Variants in OTUB2 observed in about 807,000 individuals in gnomAD.
OTUB2 encodes OTU deubiquitinase, ubiquitin aldehyde binding 2, also known as ubiquitin thioesterase OTUB2.
In OTUB2, 21 loss-of-function variants were observed where a neutral mutation model predicts 25.1. The ratio of observed to expected loss-of-function variants is 0.84; its 90% confidence interval spans 0.59 to 1.21. The LOEUF is 1.21. Among genes scored for constraint, OTUB2 ranks in the 50% most tolerant of loss-of-function variants. The pLI is 0.00. For synonymous variants in OTUB2, 122 were observed against 122.8 expected, an observed-to-expected ratio of 0.99 and a Z score of 0.04; for missense variants, 283 against 298.0, an observed-to-expected ratio of 0.95 and a Z score of 0.37.
Position 94,040,073 on chromosome 14 carries a change from A to G in OTUB2, c.218+992A>G, listed in dbSNP as rs369680233. On this transcript the variant is annotated intron_variant, in intron 3 of 5. Coordinates refer to ENST00000203664, the MANE Select transcript of OTUB2 (RefSeq NM_023112.4). ...GTAACCCCCTCCCCAAGTCATGACAATCAAAACTGCCTGCAGACACTGCCA... is the reference window on the plus strand; with the variant it reads ...GTAACCCCCTCCCCAAGTCATGACAGTCAAAACTGCCTGCAGACACTGCCA... Among the ~76,000 whole-genome samples the G allele has an allele frequency of 1.4e-4, 22 of 152,226 alleles. No homozygotes were observed. In the East Asian group the frequency reaches 1.5e-3, roughly 11 times the overall value.
chr14:94,039,196 A>G, intron 3 of OTUB2, 115 bp downstream of exon 3: 1 of 835,378 alleles, frequency 1.2e-6, no homozygotes. Flanking sequence ...AATGAGCTGA[A>G]GAGCTGCCTG....
chr14:94,026,529 C>G lies in OTUB2; in HGVS notation c.-9C>G. On this transcript the variant is annotated 5_prime_UTR_variant, in exon 1 of 6. Coordinates refer to ENST00000203664, the MANE Select transcript of OTUB2 (RefSeq NM_023112.4). ...TGGGGCGGGACCTGGCCTGGCGGCTCTGGTCACTATGGTCAGTGATCGTGG... is the reference window on the plus strand; with the variant it reads ...TGGGGCGGGACCTGGCCTGGCGGCTGTGGTCACTATGGTCAGTGATCGTGG... 2.4e-6 allele frequency: 3 copies of G among 1,263,638 alleles called. No individual in the cohort carries two copies. Among genetic ancestry groups the G allele is most frequent in the South Asian group, 2.8e-5 (1 of 35,298 alleles). The allele number at this position is 1,263,638 out of a possible 1,614,324, so 78.3% of individuals were successfully genotyped here. A position where few individuals can be genotyped will look rare whatever the true frequency, so the allele number is the denominator to read the frequency against.
At chr14:94,045,061 T>C (rs1271950039) in intron 5 of OTUB2, among the ~76,000 whole-genome samples, 1 of 152,232 alleles carries the variant, frequency 6.6e-6, no homozygotes, top group Non-Finnish European at 1.5e-5. Context: ...AGAGTCACAT[T>C]TGCTTGACGT....
rs1885271762 is a variant in OTUB2, at chr14:94,046,152, C to T, written c.*230C>T. On this transcript the variant is annotated 3_prime_UTR_variant, in exon 6 of 6. Coordinates refer to ENST00000203664, the MANE Select transcript of OTUB2 (RefSeq NM_023112.4). Reference sequence around the variant, plus strand: ...AAATGCTTTCTAACTGGGCCCCCGACTCCGCACCCCAGTTCGCAGTGAGGC... The same window carrying T: ...AAATGCTTTCTAACTGGGCCCCCGATTCCGCACCCCAGTTCGCAGTGAGGC... The T allele has an allele frequency of 6.6e-6, 4 of 607,942 alleles. No individual in the cohort carries two copies. The East Asian group carries it at 1.1e-4, about 17-fold the overall frequency. The allele number at this position is 607,942 out of a possible 1,614,324, so 37.7% of individuals were successfully genotyped here.
chr14:94,031,342 C>G (rs1884957395), intron 1 of OTUB2, among the ~76,000 whole-genome samples: 1 of 152,184 alleles, frequency 6.6e-6, no homozygotes, highest in Admixed American at 6.5e-5. Flanking sequence ...TTCCTTCCAG[C>G]CCCTGGAGCA....
In OTUB2 at chr14:94,039,229, G is replaced by A. The variant is rs1156281513; in HGVS notation, c.218+148G>A. On this transcript the variant is annotated intron_variant, in intron 3 of 5. Coordinates refer to ENST00000203664, the MANE Select transcript of OTUB2 (RefSeq NM_023112.4). ...CTGGCAGAGGCGTTTGATGTTGGGG[G>A]TGCCCAGCTGCCTGCTGTGGTGAAG... 3 of 651,388 alleles carry A rather than the reference G, an allele frequency of 4.6e-6. No individual in the cohort carries two copies. In the African/African-American group the frequency reaches 5.5e-5, roughly 12 times the overall value. 40.4% of individuals were successfully genotyped at this position (651,388 alleles called of 1,614,324 possible).
intron 1 of OTUB2, among the ~76,000 whole-genome samples, chr14:94,031,513 G>A (rs1053474550): frequency 6.6e-6 from 1 of 152,100 alleles, no homozygotes; most frequent in Non-Finnish European, 1.5e-5. Flanking sequence ...ATGGATTAGG[G>A]ATGGGGTATC....
intron 4 of OTUB2, among the ~76,000 whole-genome samples, chr14:94,044,278 A>C (rs1484047358): frequency 8.5e-5 from 13 of 152,122 alleles, no homozygotes; most frequent in Admixed American, 8.5e-4. Flanking sequence ...AAGGGGCGGG[A>C]TCGAGGACTC....
rs547024609 is a variant in OTUB2, at chr14:94,028,595, T to A, written c.3+2055T>A. On this transcript the variant is annotated intron_variant, in intron 1 of 5. Transcript: ENST00000203664. ...AGACATAAGCAGGAAAACCGCAGGGTCCTATTGTGCTTTGTTCTGTTATTT... is the reference window on the plus strand; with the variant it reads ...AGACATAAGCAGGAAAACCGCAGGGACCTATTGTGCTTTGTTCTGTTATTT... Among the ~76,000 whole-genome samples the A allele has an allele frequency of 3.9e-5, 6 of 152,316 alleles. No homozygotes were observed. The South Asian group carries it at 1.0e-3, about 26-fold the overall frequency.
chr14:94,042,528 G>GT (rs1885183633), intron 3 of OTUB2, among the ~76,000 whole-genome samples: 1 of 152,208 alleles, frequency 6.6e-6, no homozygotes, highest in Non-Finnish European at 1.5e-5. Context: ...GAGCAGAGCA[G>GT]TGCACTTCAT....
In OTUB2 at chr14:94,026,451, G is replaced by T; in HGVS notation, c.-87G>T. ...TCGAGGTCCCCGCCACCGAACCAGC[G>T]GCGGAGCCCGCCCGCGCCTCCCGCG... On this transcript the variant is annotated 5_prime_UTR_variant, in exon 1 of 6. Transcript: ENST00000203664. 1 of 1,316,866 alleles carries T rather than the reference G, an allele frequency of 7.6e-7. No homozygotes were observed. The highest frequency in any genetic ancestry group is 2.1e-5 in the South Asian group (1 of 47,628). 81.6% of individuals were successfully genotyped at this position (1,316,866 alleles called of 1,614,324 possible). A position where few individuals can be genotyped will look rare whatever the true frequency, so the allele number is the denominator to read the frequency against.
intron 1 of OTUB2, among the ~76,000 whole-genome samples, chr14:94,028,389 C>T (rs1209473122): frequency 6.6e-6 from 1 of 152,194 alleles, no homozygotes. Context: ...AATACAGCAT[C>T]TTCTTTACTT....
At chr14:94,029,817 G>A (rs1321805257) in intron 1 of OTUB2, among the ~76,000 whole-genome samples, 1 of 152,212 alleles carries the variant, frequency 6.6e-6, no homozygotes, top group Non-Finnish European at 1.5e-5. Flanking sequence ...TCCAGTGGAG[G>A]GAGCCGGGCA....
Position 94,044,574 on chromosome 14 carries a change from G to C in OTUB2, c.304-12G>C, listed in dbSNP as rs967523169. On this transcript the variant is annotated splice_polypyrimidine_tract_variant and intron_variant, in intron 4 of 5. Transcript: ENST00000203664. ...TGCTTGGCCTCCCTAGCTGAGGGCC[G>C]GGCGGGCGCAGTTTTACAGTGTGGT... The C allele has an allele frequency of 1.0e-5, 16 of 1,598,772 alleles. No homozygotes were observed. The highest frequency in any genetic ancestry group is 1.3e-5 in the African/African-American group (1 of 74,678).
intron 1 of OTUB2, among the ~76,000 whole-genome samples, chr14:94,034,251 G>A (rs1381094170): frequency 1.3e-5 from 2 of 152,194 alleles, no homozygotes; most frequent in Non-Finnish European, 2.9e-5. Flanking sequence ...TGATGAGCAC[G>A]TCTTGGGCTA....
chr14:94,030,516 G>T (rs2141406997), intron 1 of OTUB2, among the ~76,000 whole-genome samples: 1 of 152,160 alleles, frequency 6.6e-6, no homozygotes, highest in South Asian at 2.1e-4. Context: ...CTAGGCATAA[G>T]ATAAGAGGGA....
intron 1 of OTUB2, among the ~76,000 whole-genome samples, chr14:94,031,974 G>T (rs1213937564): frequency 6.6e-6 from 1 of 152,220 alleles, no homozygotes; most frequent in Non-Finnish European, 1.5e-5. Flanking sequence ...ATGAGAGTCA[G>T]CCAGGTCAAG....
intron 1 of OTUB2, among the ~76,000 whole-genome samples, chr14:94,035,870 T>G (rs1885046562): frequency 6.6e-6 from 1 of 152,168 alleles, no homozygotes; most frequent in Non-Finnish European, 1.5e-5. Context: ...GCAGACAGTA[T>G]GACAAGCTGT....
chr14:94,043,830 T>G (rs1885208033), intron 3 of OTUB2, 141 bp from the exon 4 acceptor site: 12 of 756,086 alleles, frequency 1.6e-5, no homozygotes, highest in Non-Finnish European at 2.8e-5. Context: ...GGCTGTGTGT[T>G]GGGGGCAGGG....
Sources: allele counts gnomAD v4.1 joint callset (sites outside exome capture counted in the v4.1 genomes callset), GRCh38; gene constraint gnomAD v4.1.1; transcripts MANE v1.5; gene names NCBI Gene and HGNC (gene_info 2026-07-23, HGNC 2026-07-21).